VWF: variants seen among roughly 807,000 people sequenced by gnomAD.
VWF encodes von Willebrand factor, also known as Factor VIII related antigen.
VWF carries 176 observed loss-of-function variants against 308.6 expected under a neutral mutation model. The observed-to-expected ratio is 0.57, with a 90% CI of 0.50 to 0.65. VWF has a LOEUF of 0.65. Ranked by LOEUF, VWF falls within the 30% of genes least tolerant of loss-of-function variation. The probability of loss-of-function intolerance (pLI) is 0.00; values close to 1 mark genes in which losing one functional copy is unlikely to be tolerated. For synonymous variants in VWF, 1,385 were observed against 1,443.4 expected (o/e 0.96, Z 0.92); for missense variants, 3,146 against 3,648.2 (o/e 0.86, Z 3.55).
At chr12:5,972,845 C>T (rs576957048) in intron 43 of VWF, among the ~76,000 whole-genome samples, 1 of 151,988 alleles carries the variant, frequency 6.6e-6, no homozygotes, top group African/African-American at 2.4e-5. Flanking sequence ...ATTCAAAATG[C>T]CATTAAAGAA....
intron 5 of VWF, among the ~76,000 whole-genome samples, chr12:6,108,348 C>T (rs761087742): frequency 0.048 from 7,058 of 148,416 alleles, 462 homozygotes; most frequent in African/African-American, 0.15. Context: ...CACACACACA[C>T]ACACACACAC....
chr12:5,949,679 C>A, intron 51 of VWF, 107 bp downstream of exon 51: 1 of 1,190,352 alleles, frequency 8.4e-7, no homozygotes, highest in Non-Finnish European at 1.3e-6. Flanking sequence ...TTTCCCTTCT[C>A]TTCCCTGCGA....
intron 47 of VWF, among the ~76,000 whole-genome samples, chr12:5,964,004 G>T (rs374323114): frequency 0.13 from 18,992 of 151,728 alleles, 1,627 homozygotes; most frequent in Middle Eastern, 0.25. Context: ...TCAGGAGATT[G>T]AGACCATTCT....
chr12:5,982,060 T>C (rs1943612668), intron 41 of VWF, 69 bp from the exon 42 acceptor site: 34 of 1,495,316 alleles, frequency 2.3e-5, no homozygotes, highest in Non-Finnish European at 3.0e-5. Flanking sequence ...AGCTATGCTA[T>C]AGGGTGCCAG....
intron 3 of VWF, among the ~76,000 whole-genome samples, chr12:6,120,720 G>C (rs776041709): frequency 1.6e-4 from 24 of 152,298 alleles, no homozygotes; most frequent in Non-Finnish European, 2.4e-4. Context: ...CTGTTGTGGG[G>C]ATGCAGGGAC....
rs552884819 is a variant in VWF, at chr12:6,029,532, GCTCGACAGC to G, written c.2821-53_2821-45del. 8 of 1,611,856 alleles carry G rather than the reference GCTCGACAGC, an allele frequency of 5.0e-6. No individual in the cohort carries two copies. The Admixed American group carries it at 1.3e-4, about 27-fold the overall frequency. On this transcript the variant is annotated intron_variant, in intron 21 of 51. Transcript: ENST00000261405. The stretch of plus-strand genomic sequence containing the variant: ...AGAAATCCAGGAGGATGAAGGGCAG[GCTCGACAGC>G]CAGATCCTCCCTCCACTCTACACCT...
intron 43 of VWF, among the ~76,000 whole-genome samples, chr12:5,972,404 T>C (rs1409231836): frequency 2.0e-5 from 3 of 152,152 alleles, no homozygotes; most frequent in Non-Finnish European, 4.4e-5. Context: ...ATAGAAAGAA[T>C]AGTCAAAGCA....
chr12:6,067,609 G>A (rs1235762327), intron 10 of VWF, among the ~76,000 whole-genome samples: 1 of 152,188 alleles, frequency 6.6e-6, no homozygotes, highest in Admixed American at 6.5e-5. Context: ...ATGGGTGGGT[G>A]AGCTGCCAGG....
chr12:6,035,683 C>T (rs762913993), intron 19 of VWF, among the ~76,000 whole-genome samples: 2 of 152,210 alleles, frequency 1.3e-5, no homozygotes, highest in East Asian at 1.9e-4. Flanking sequence ...AGGCCTGCAA[C>T]GAAAGGACCC....
intron 42 of VWF, among the ~76,000 whole-genome samples, chr12:5,980,235 G>C (rs1461216781): frequency 1.2e-5 from 1 of 84,440 alleles, no homozygotes; most frequent in African/African-American, 4.2e-5. Flanking sequence ...AGGGAGGGAG[G>C]GAGGGAAGGA....
At chr12:6,059,026 T>C (rs1296981281) in intron 13 of VWF, among the ~76,000 whole-genome samples, 2 of 152,168 alleles carry the variant, frequency 1.3e-5, no homozygotes, top group African/African-American at 4.8e-5. Context: ...GGGTCAGCTC[T>C]TAGAGCCCCT....
intron 33 of VWF, 75 bp downstream of exon 33, chr12:6,012,012 A>G: frequency 1.3e-6 from 2 of 1,569,942 alleles, no homozygotes; most frequent in South Asian, 2.2e-5. Context: ...CAAAGGAGGA[A>G]AAATTAACCA....
intron 6 of VWF, among the ~76,000 whole-genome samples, chr12:6,090,239 G>A (rs972278022): frequency 1.5e-4 from 23 of 152,200 alleles, no homozygotes; most frequent in Admixed American, 1.3e-3. Context: ...TTACAGGCGT[G>A]AGCCACCGTG....
chr12:5,964,355 T>C lies in VWF; in HGVS notation c.7887+3131A>G, dbSNP rs191501488. On this transcript the variant is annotated intron_variant, in intron 47 of 51. Transcript: ENST00000261405. ...CATCATTCCCTAAAAATTATTAGCT[T>C]TGCTTTCAGAAGAAAAACAAATTAT... is the stretch of plus-strand genomic sequence containing the variant. Among the ~76,000 whole-genome samples, 44 of 148,718 alleles carry C rather than the reference T, an allele frequency of 3.0e-4. No individual in the cohort carries two copies. The South Asian group carries it at 3.6e-3, about 12-fold the overall frequency.
intron 6 of VWF, among the ~76,000 whole-genome samples, chr12:6,082,765 G>A (rs758593061): frequency 3.3e-5 from 5 of 152,148 alleles, no homozygotes; most frequent in African/African-American, 4.8e-5. Context: ...CTGATTCGGG[G>A]GCTGCCTGGT....
In VWF at chr12:5,983,260, G is replaced by A. The variant is rs1282308472; in HGVS notation, c.6977-6C>T. The A allele has an allele frequency of 1.9e-6, 3 of 1,613,600 alleles. No individual in the cohort carries two copies. The highest frequency in any genetic ancestry group is 1.7e-6 in the Non-Finnish European group (2 of 1,179,800). ...ACAGCTCACTGGGTCACACACTGAG[G>A]GCCAGAAAGAGAGACGTCCATGCAG... On this transcript the variant is annotated splice_polypyrimidine_tract_variant and splice_region_variant and intron_variant, in intron 40 of 51. Coordinates refer to ENST00000261405, the MANE Select transcript of VWF (RefSeq NM_000552.5).
At chr12:6,028,410 C>T (rs1305160681) in intron 22 of VWF, among the ~76,000 whole-genome samples, 2 of 152,178 alleles carry the variant, frequency 1.3e-5, no homozygotes, top group East Asian at 3.9e-4. Context: ...ATACAGAGAA[C>T]ACCACAAAGA....
intron 6 of VWF, among the ~76,000 whole-genome samples, chr12:6,086,264 C>T (rs1944970631): frequency 6.6e-6 from 1 of 152,142 alleles, no homozygotes; most frequent in Non-Finnish European, 1.5e-5. Flanking sequence ...CATTCCTTAG[C>T]CTATCAATGA....
In VWF at chr12:5,976,145, C is replaced by T; in HGVS notation, c.7403G>A (p.Cys2468Tyr). 1 of 1,614,018 alleles carries T rather than the reference C, an allele frequency of 6.2e-7. No homozygotes were observed. Among genetic ancestry groups the T allele is most frequent in the Non-Finnish European group, 8.5e-7 (1 of 1,180,030 alleles). Residue 2468 changes from cysteine to tyrosine, a missense_variant, in exon 43 of 52, where the codon TGC (cysteine) becomes TAC (tyrosine). Physicochemically the swap from Cys to Tyr is radical, Grantham distance 194. Transcript: ENST00000261405. ...GCTGTCCTCACAGGGCTTCTGGGAG[C>T]ACTGGGCCACGCGGAGGCCCATCAC... ...DAVMGLRVAQCSQKPCEDSCR... is the reference protein window; with the variant it reads ...DAVMGLRVAQYSQKPCEDSCR...
Sources: gnomAD v4.1 joint callset for allele counts (sites outside exome capture counted in the v4.1 genomes callset) on GRCh38, gnomAD v4.1.1 for gene constraint, MANE v1.5 for transcripts, NCBI Gene and HGNC (gene_info 2026-07-23, HGNC 2026-07-21) for gene names.